Variants in SLC24A2 observed in about 807,000 individuals in gnomAD.
The protein encoded by SLC24A2 is sodium/potassium/calcium exchanger 2.
SLC24A2 carries 36 observed loss-of-function variants against 62.0 expected under a neutral mutation model. The observed-to-expected ratio is 0.58, with a 90% confidence interval of 0.44 to 0.77. The LOEUF (loss-of-function observed/expected upper bound fraction) is 0.77, where lower values mean the gene tolerates loss of function less well. Ranked by LOEUF, SLC24A2 falls within the 30% of genes least tolerant of loss-of-function variation. The pLI is 0.00. For synonymous variants in SLC24A2, 358 were observed against 294.0 expected (o/e 1.22, Z -2.23); for missense variants, 846 against 817.9 (o/e 1.03, Z -0.42).
At chr9:19,979,023 T>A in the SLC24A2 span, among the ~76,000 whole-genome samples, 10 of 152,192 alleles carry the variant, frequency 6.6e-5, no homozygotes, top group Non-Finnish European at 1.3e-4. Context: ...CCGTCTTTTT[T>A]AAGTGGTAAA....
intron 5 of SLC24A2, among the ~76,000 whole-genome samples, chr9:19,591,535 T>G (rs1314320903): frequency 6.6e-6 from 1 of 152,212 alleles, no homozygotes; most frequent in Non-Finnish European, 1.5e-5. Context: ...CAAATTTTAC[T>G]GAGAGGGTCT....
intron 2 of SLC24A2, among the ~76,000 whole-genome samples, chr9:19,746,002 A>G (rs991918761): frequency 6.6e-6 from 1 of 152,108 alleles, no homozygotes; most frequent in African/African-American, 2.4e-5. Context: ...TTAGTTGAAG[A>G]AATGCTGGAA....
the SLC24A2 span, among the ~76,000 whole-genome samples, chr9:20,175,301 G>A: frequency 6.6e-6 from 1 of 151,832 alleles, no homozygotes; most frequent in African/African-American, 2.4e-5. Flanking sequence ...CTCAGATGAT[G>A]TGTGCACCAA....
At chr9:19,593,104 T>C (rs1361560852) in intron 5 of SLC24A2, among the ~76,000 whole-genome samples, 1 of 152,224 alleles carries the variant, frequency 6.6e-6, no homozygotes, top group East Asian at 1.9e-4. Context: ...AACATGGCAG[T>C]GGAGACATCG....
chr9:20,153,207 C>A, the SLC24A2 span, among the ~76,000 whole-genome samples: 2 of 152,026 alleles, frequency 1.3e-5, no homozygotes, highest in South Asian at 2.1e-4. Flanking sequence ...AATTTTTGTT[C>A]TTTGGTTTGA....
chr9:20,155,956 A>C, the SLC24A2 span, among the ~76,000 whole-genome samples: 3 of 151,790 alleles, frequency 2.0e-5, no homozygotes, highest in East Asian at 1.9e-4. Context: ...AGAGTAATTT[A>C]AAATTGTCAT....
chr9:19,916,356 TC>T, the SLC24A2 span, among the ~76,000 whole-genome samples: 1 of 152,066 alleles, frequency 6.6e-6, no homozygotes, highest in Admixed American at 6.6e-5. Context: ...CCAACTTTGT[TC>T]TTATTTACTT....
intron 7 of SLC24A2, among the ~76,000 whole-genome samples, chr9:19,552,629 A>G (rs1395178543): frequency 6.6e-6 from 1 of 152,156 alleles, no homozygotes; most frequent in African/African-American, 2.4e-5. Flanking sequence ...AGCTCTGTTC[A>G]TCACTACCAT....
the SLC24A2 span, among the ~76,000 whole-genome samples, chr9:20,281,009 A>G: frequency 6.6e-6 from 1 of 152,186 alleles, no homozygotes; most frequent in African/African-American, 2.4e-5. Flanking sequence ...GGCTCACTGC[A>G]GCCTCGACTT....
chr9:19,986,409 A>G, the SLC24A2 span, among the ~76,000 whole-genome samples: 1 of 77,628 alleles, frequency 1.3e-5, no homozygotes, highest in Non-Finnish European at 2.8e-5. Context: ...ATGACCCTAT[A>G]TAGGACCTAG....
At chr9:20,225,511 G>A in the SLC24A2 span, among the ~76,000 whole-genome samples, 1 of 105,234 alleles carries the variant, frequency 9.5e-6, no homozygotes, top group Non-Finnish European at 1.8e-5. Context: ...TTAAAGCTCG[G>A]AAGTGAGTGG....
chr9:20,119,192 G>C, the SLC24A2 span, among the ~76,000 whole-genome samples: 1 of 152,028 alleles, frequency 6.6e-6, no homozygotes, highest in Admixed American at 6.6e-5. Context: ...GCTTAGTTTA[G>C]CCTTCCAACG....
At chr9:19,639,884 AAG>A in intron 2 of SLC24A2, among the ~76,000 whole-genome samples, 1 of 152,354 alleles carries the variant, frequency 6.6e-6, no homozygotes, top group East Asian at 1.9e-4. Context: ...AGGAAAGACT[AAG>A]AGAAAGAAAA....
At chr9:19,854,011 T>C in the SLC24A2 span, among the ~76,000 whole-genome samples, 18 of 152,326 alleles carry the variant, frequency 1.2e-4, no homozygotes, top group East Asian at 3.5e-3. Flanking sequence ...GGATTCAGCT[T>C]CTTTCTGTTT....
the SLC24A2 span, among the ~76,000 whole-genome samples, chr9:20,053,836 T>C: frequency 6.6e-6 from 1 of 152,202 alleles, no homozygotes; most frequent in Non-Finnish European, 1.5e-5. Context: ...CCGTGTATGG[T>C]ATTTTGTAAT....
intron 2 of SLC24A2, among the ~76,000 whole-genome samples, chr9:19,729,185 T>TATCATTTC (rs930432603): frequency 6.6e-6 from 1 of 152,148 alleles, no homozygotes. Flanking sequence ...CACAAGGAAG[T>TATCATTTC]ATCATTTCAC....
At chr9:20,036,790 C>A in the SLC24A2 span, among the ~76,000 whole-genome samples, 1 of 151,870 alleles carries the variant, frequency 6.6e-6, no homozygotes, top group Non-Finnish European at 1.5e-5. Flanking sequence ...TCCCTTATAT[C>A]AAATGGTGTA....
Position 19,597,236 on chromosome 9 carries a change from A to G in SLC24A2, c.1122T>C (p.Thr374=). 6.3e-7 allele frequency: 1 copy of G among 1,580,028 alleles called. No homozygotes were observed. The highest frequency in any genetic ancestry group is 8.7e-7 in the Non-Finnish European group (1 of 1,149,070). ...TTCTAAAATCATTCTTACCTTCTTC[A>G]GTCATTGTGTCATAATATTTTAGTT... is the stretch of plus-strand genomic sequence containing the variant. ...YGKLKYYDTM[T]EEGRFREKAS... The change falls in exon 5 of 11, where the codon ACT becomes ACC. Residue 374 remains threonine (T), a synonymous_variant. Coordinates refer to ENST00000341998, the MANE Select transcript of SLC24A2 (RefSeq NM_020344.4).
chr9:20,067,287 C>T, the SLC24A2 span, among the ~76,000 whole-genome samples: 1 of 152,148 alleles, frequency 6.6e-6, no homozygotes, highest in Non-Finnish European at 1.5e-5. Flanking sequence ...TCCCAGGATG[C>T]TTGCATCAAA....
Sources: allele counts gnomAD v4.1 joint callset (sites outside exome capture counted in the v4.1 genomes callset), GRCh38; gene constraint gnomAD v4.1.1; transcripts MANE v1.5; gene names NCBI Gene and HGNC (gene_info 2026-07-23, HGNC 2026-07-21).